The following TGFBR3 variants were observed in gnomAD, a reference collection of about 807,000 sequenced individuals.
The protein encoded by TGFBR3 is transforming growth factor beta receptor type 3.
In TGFBR3, 46 loss-of-function variants were observed where a neutral mutation model predicts 87.9. The ratio of observed to expected loss-of-function variants is 0.52; its 90% CI spans 0.41 to 0.67. The LOEUF (loss-of-function observed/expected upper bound fraction) is 0.67, where lower values mean the gene tolerates loss of function less well. TGFBR3 is among the 30% of genes least tolerant of loss of function. The probability of loss-of-function intolerance (pLI) is 0.00; values close to 1 mark genes in which losing one functional copy is unlikely to be tolerated. For missense variants in TGFBR3, 866 were observed against 1,041.9 expected, an observed-to-expected ratio of 0.83 and a Z score of 2.32; for synonymous variants, 381 against 391.6, an observed-to-expected ratio of 0.97 and a Z score of 0.32.
chr1:91,729,728 A>T, intron 6 of TGFBR3, 77 bp downstream of exon 6: 1 of 1,557,976 alleles, frequency 6.4e-7, no homozygotes, highest in Non-Finnish European at 8.8e-7. Flanking sequence ...AGGACGGGCT[A>T]CACCTCTCCC....
intron 2 of TGFBR3, among the ~76,000 whole-genome samples, chr1:91,807,032 GA>G (rs1361414303): frequency 1.3e-5 from 2 of 152,090 alleles, no homozygotes; most frequent in East Asian, 3.9e-4. Context: ...AAAGCTCCAA[GA>G]AAAAAACACC....
chr1:91,876,407 C>T lies in TGFBR3; in HGVS notation c.-114+9471G>A, dbSNP rs1271441553. Among the ~76,000 whole-genome samples, 3 of 152,122 alleles carry T rather than the reference C, an allele frequency of 2.0e-5. No homozygotes were observed. The East Asian group carries it at 5.8e-4, about 29-fold the overall frequency. On this transcript the variant is annotated intron_variant, in intron 1 of 16. Transcript: ENST00000212355. ...AGTAGGCATCCCGAAAGGCTAGTTG[C>T]TTCTGACAAGTGCTGAGGACAATAT...
chr1:91,834,917 T>A (rs1335698326), intron 2 of TGFBR3, among the ~76,000 whole-genome samples: 1 of 152,182 alleles, frequency 6.6e-6, no homozygotes, highest in Non-Finnish European at 1.5e-5. Context: ...TGACCTCCGG[T>A]GATCCACCTG....
At chr1:91,769,498 T>G (rs1475949378) in intron 3 of TGFBR3, among the ~76,000 whole-genome samples, 1 of 152,082 alleles carries the variant, frequency 6.6e-6, no homozygotes, top group Non-Finnish European at 1.5e-5. Context: ...CCCCACTTCC[T>G]GAGTCACGCT....
At chr1:91,755,013 G>A (rs370661138) in intron 4 of TGFBR3, 24 of 152,204 alleles carry the variant, frequency 1.6e-4, no homozygotes, top group African/African-American at 5.5e-4. Context: ...TGGACTGAGA[G>A]TCAAGAGACC....
At chr1:91,774,427 C>A (rs890463551) in intron 3 of TGFBR3, among the ~76,000 whole-genome samples, 1 of 152,074 alleles carries the variant, frequency 6.6e-6, no homozygotes, top group East Asian at 1.9e-4. Context: ...TAAGCCACTG[C>A]GCCCGGCCTA....
intron 2 of TGFBR3, among the ~76,000 whole-genome samples, chr1:91,825,050 C>A (rs1243198780): frequency 6.6e-6 from 1 of 152,168 alleles, no homozygotes; most frequent in African/African-American, 2.4e-5. Flanking sequence ...TATGACCCAG[C>A]GATTCTACTC....
At chr1:91,765,685 A>G (rs1320886305) in intron 3 of TGFBR3, among the ~76,000 whole-genome samples, 3 of 152,250 alleles carry the variant, frequency 2.0e-5, no homozygotes, top group African/African-American at 7.2e-5. Flanking sequence ...AAAAACACAT[A>G]AAATGTAAAA....
At chr1:91,718,831 C>CT (rs1672264302) in intron 10 of TGFBR3, among the ~76,000 whole-genome samples, 1 of 152,154 alleles carries the variant, frequency 6.6e-6, no homozygotes, top group Admixed American at 6.5e-5. Context: ...CTTAAAGGTC[C>CT]TTTTTGAGTT....
Position 91,712,290 on chromosome 1 carries a change from G to C in TGFBR3, c.2119C>G (p.Leu707Val). Residue 707 changes from leucine (L) to valine (V), a missense_variant, in exon 13 of 17, where the codon CTG (leucine) becomes GTG (valine). Leu to Val is a conservative substitution (Grantham distance 32). Coordinates refer to ENST00000212355, the MANE Select transcript of TGFBR3 (RefSeq NM_003243.5). ...TTCTCCATCTTCGTACACAGCGTCA[G>C]CTCACACTGTAGAAAGAGCAGTGAG... ...NTSLLFLQCE[L>V]TLCTKMEKHP... 1 of 1,614,202 alleles carries C rather than the reference G, an allele frequency of 6.2e-7. No homozygotes were observed. Among genetic ancestry groups the C allele is most frequent in the South Asian group, 1.1e-5 (1 of 91,084 alleles).
At chr1:91,737,464 G>A (rs1673005690) in intron 4 of TGFBR3, among the ~76,000 whole-genome samples, 2 of 152,090 alleles carry the variant, frequency 1.3e-5, no homozygotes, top group Admixed American at 1.3e-4. Flanking sequence ...CCTACCCAAG[G>A]CCAGAGAGTC....
intron 16 of TGFBR3, among the ~76,000 whole-genome samples, chr1:91,684,402 T>C (rs1267345136): frequency 6.6e-6 from 1 of 152,172 alleles, no homozygotes; most frequent in Non-Finnish European, 1.5e-5. Context: ...GCCAAACAGA[T>C]AAATTACCTG....
At chr1:91,770,229 TAA>T (rs768443099) in intron 3 of TGFBR3, among the ~76,000 whole-genome samples, 48 of 140,384 alleles carry the variant, frequency 3.4e-4, no homozygotes, top group East Asian at 4.1e-4. Context: ...AACCCTGGAT[TAA>T]AAAAAAAAAA....
chr1:91,719,557 A>C, intron 9 of TGFBR3, 93 bp from the exon 10 acceptor site: 4 of 1,509,924 alleles, frequency 2.6e-6, no homozygotes, highest in African/African-American at 1.4e-5. Context: ...TCTTCCAAGG[A>C]CAGGCGATGA....
chr1:91,684,575 C>T (rs1671027046), intron 16 of TGFBR3, among the ~76,000 whole-genome samples: 1 of 152,200 alleles, frequency 6.6e-6, no homozygotes, highest in Admixed American at 6.5e-5. Flanking sequence ...AAGCATCCCA[C>T]TTTTCATTAC....
At chr1:91,841,843 A>G (rs1677298821) in intron 2 of TGFBR3, among the ~76,000 whole-genome samples, 2 of 149,550 alleles carry the variant, frequency 1.3e-5, no homozygotes, top group Admixed American at 1.3e-4. Context: ...AGTGGCTCAC[A>G]CCTGTAATCA....
chr1:91,813,140 CG>C (rs896896407), intron 2 of TGFBR3, among the ~76,000 whole-genome samples: 1 of 152,116 alleles, frequency 6.6e-6, no homozygotes, highest in Non-Finnish European at 1.5e-5. Flanking sequence ...CTCACTAAAA[CG>C]TTCTGACTTC....
chr1:91,862,890 G>A (rs1322778059), intron 1 of TGFBR3, among the ~76,000 whole-genome samples: 1 of 152,150 alleles, frequency 6.6e-6, no homozygotes, highest in Non-Finnish European at 1.5e-5. Context: ...GAAATATCAC[G>A]CAACAGGAGT....
intron 9 of TGFBR3, 80 bp downstream of exon 9, chr1:91,719,813 G>T: frequency 1.3e-6 from 2 of 1,493,904 alleles, no homozygotes; most frequent in South Asian, 1.1e-5. Flanking sequence ...GAAAGAGATA[G>T]GGAGAAATTA....
Sources: allele counts gnomAD v4.1 joint callset (sites outside exome capture counted in the v4.1 genomes callset), GRCh38; gene constraint gnomAD v4.1.1; transcripts MANE v1.5; gene names NCBI Gene and HGNC (gene_info 2026-07-23, HGNC 2026-07-21).